ZNF282: variants seen among roughly 807,000 people sequenced by gnomAD.
The protein encoded by ZNF282 is zinc finger protein 282, also known as HTLV-I U5 repressive element-binding protein 1.
A neutral mutation model predicts 61.9 loss-of-function variants in ZNF282; 30 were observed. That is an observed-to-expected ratio of 0.48 (90% CI 0.36 to 0.66). The LOEUF (loss-of-function observed/expected upper bound fraction) is 0.66, where lower values mean the gene tolerates loss of function less well. Among genes scored for constraint, ZNF282 ranks in the 30% least tolerant of loss-of-function variants. The pLI is 0.00. For synonymous variants in ZNF282, 396 were observed against 405.0 expected (o/e 0.98, Z 0.27); for missense variants, 788 against 941.4 (o/e 0.84, Z 2.13).
At chr7:149,209,196 TAGTC>T (rs766540146) in intron 4 of ZNF282, among the ~76,000 whole-genome samples, 46 of 140,466 alleles carry the variant, frequency 3.3e-4, no homozygotes, top group Non-Finnish European at 4.8e-4. Flanking sequence ...CGGGCGCCTG[TAGTC>T]AGTCCCAGCT....
chr7:149,220,044 C>T lies in ZNF282; in HGVS notation c.1181-3768C>T, dbSNP rs535594969. Among the ~76,000 whole-genome samples the T allele has an allele frequency of 2.6e-4, 39 of 152,156 alleles. No individual in the cohort carries two copies. In the South Asian group the frequency reaches 7.9e-3, roughly 31 times the overall value. ...CCTAGGGAGGGGGTTCTTTTAAGGT[C>T]GGAGATAACTAGACCATTGTCTCGG... On this transcript the variant is annotated intron_variant, in intron 7 of 7. Transcript: ENST00000610704.
rs1271608533 is a variant in ZNF282 at position 149,210,573 on chromosome 7, C to T, written c.833-12C>T. 6.2e-7 allele frequency: 1 copy of T among 1,608,744 alleles called. No individual in the cohort carries two copies. The highest frequency in any genetic ancestry group is 2.2e-5 in the East Asian group (1 of 44,794). ...AAAAAAGACACAAAGCAATGTCATT[C>T]TCTGTCCCCAGGAGCAGAGCCCCTG... On this transcript the variant is annotated splice_polypyrimidine_tract_variant and intron_variant, in intron 4 of 7. Transcript: ENST00000610704.
chr7:149,215,686 TA>T (rs1416041385), intron 7 of ZNF282, among the ~76,000 whole-genome samples: 1 of 152,176 alleles, frequency 6.6e-6, no homozygotes, highest in Non-Finnish European at 1.5e-5. Context: ...TGTATGTCCT[TA>T]TTTCAAGTAG....
At chr7:149,201,269 C>T (rs1272213231) in intron 2 of ZNF282, among the ~76,000 whole-genome samples, 2 of 152,208 alleles carry the variant, frequency 1.3e-5, no homozygotes, top group African/African-American at 4.8e-5. Context: ...CCTGGCCACT[C>T]CTCACCACCT....
At chr7:149,211,087 T>C (rs79469844) in intron 5 of ZNF282, among the ~76,000 whole-genome samples, 174 of 152,336 alleles carry the variant, frequency 1.1e-3, no homozygotes, top group African/African-American at 3.9e-3. Flanking sequence ...AGGCCTTTCA[T>C]TGTTTTAAAC....
Position 149,210,689 on chromosome 7 carries a change from A to G in ZNF282, c.937A>G (p.Thr313Ala). The change falls in exon 5 of 8, where the codon ACG becomes GCG. Residue 313 changes from threonine (T) to alanine (A), a missense_variant. Around this residue, in one of 3 missense-constraint regions of ZNF282, gnomAD observed 559 missense variants for 642.0 expected, o/e 0.87. Coordinates refer to ENST00000610704, the MANE Select transcript of ZNF282 (RefSeq NM_003575.4). ...GGGCCTGGAGGAAAGAGCCATCCCT[A>G]CGGAATCCATTACCGGTGAGTGAGC... Reference protein sequence around the residue: ...QRGLEERAIPTESITDSPISA... With the variant: ...QRGLEERAIPAESITDSPISA... The G allele has an allele frequency of 6.2e-7, 1 of 1,602,340 alleles. No homozygotes were observed. Among genetic ancestry groups the G allele is most frequent in the Non-Finnish European group, 8.5e-7 (1 of 1,175,308 alleles).
rs1468727020 is a variant in ZNF282 at position 149,224,865 on chromosome 7, CA to C, written c.*219del. 1.1e-6 allele frequency: 1 copy of C among 869,852 alleles called. No homozygotes were observed. The highest frequency in any genetic ancestry group is 3.1e-5 in the Admixed American group (1 of 32,232). The allele number at this position is 869,852 out of a possible 1,614,324, so 53.9% of individuals were successfully genotyped here. A position where few individuals can be genotyped will look rare whatever the true frequency, so the allele number is the denominator to read the frequency against. On this transcript the variant is annotated 3_prime_UTR_variant, in exon 8 of 8. Coordinates refer to ENST00000610704, the MANE Select transcript of ZNF282 (RefSeq NM_003575.4). ...GTGGACCCAGCTGCTGGGGAAGAGCCAGGGGGACCGCGAGGAGCCGAGCGTC... is the reference window on the plus strand; with the variant it reads ...GTGGACCCAGCTGCTGGGGAAGAGCCGGGGGACCGCGAGGAGCCGAGCGTC...
intron 7 of ZNF282, among the ~76,000 whole-genome samples, chr7:149,220,509 T>C (rs1348497043): frequency 6.6e-6 from 1 of 152,202 alleles, no homozygotes; most frequent in African/African-American, 2.4e-5. Flanking sequence ...AGACTCAGCA[T>C]GTTTTCAAGG....
At chr7:149,211,755 G>A (rs1796089056) in intron 5 of ZNF282, among the ~76,000 whole-genome samples, 1 of 152,118 alleles carries the variant, frequency 6.6e-6, no homozygotes, top group Non-Finnish European at 1.5e-5. Flanking sequence ...GTAGAGGAAA[G>A]CCCGTTCACT....
At chr7:149,204,676 G>A (rs1219439476) in intron 2 of ZNF282, among the ~76,000 whole-genome samples, 2 of 152,158 alleles carry the variant, frequency 1.3e-5, no homozygotes, top group Non-Finnish European at 2.9e-5. Flanking sequence ...TTAAAGGTCT[G>A]GGAGAATGAA....
intron 7 of ZNF282, among the ~76,000 whole-genome samples, 197 bp downstream of exon 7, chr7:149,214,011 A>G (rs1265160476): frequency 6.6e-6 from 1 of 152,210 alleles, no homozygotes; most frequent in Non-Finnish European, 1.5e-5. Flanking sequence ...CAGGACTGTC[A>G]TAACAGGGTA....
In ZNF282 at chr7:149,195,546, CT is replaced by C. The variant is rs774111909; in HGVS notation, c.-42del. ...AGGGGGAAGGCGCCTGGAAAACGTT[CT>C]TCTTCTCCCTGGCCGACCCGAGCGG... On this transcript the variant is annotated 5_prime_UTR_variant, in exon 1 of 8. Transcript: ENST00000610704. The C allele has an allele frequency of 3.4e-5, 54 of 1,598,022 alleles. 1 individual carries two copies. The Admixed American group carries it at 5.4e-4, about 16-fold the overall frequency.
At chr7:149,213,651 C>A in intron 6 of ZNF282, 50 bp from the exon 7 acceptor site, 1 of 1,416,698 alleles carries the variant, frequency 7.1e-7, no homozygotes, top group Non-Finnish European at 9.9e-7. Flanking sequence ...TGATGGGAGG[C>A]CGAGTAGAAC....
chr7:149,212,367 T>TA lies in ZNF282; in HGVS notation c.962_963insA (p.Ser322PhefsTer10). ...TTGTTCCCGCAAGTAGACTCCCCAA[T>TA]TTCTGCCCAGGACCTCTTGTCCCGG... On this transcript the variant is annotated frameshift_variant, in exon 6 of 8. Transcript: ENST00000610704. LOFTEE classifies it high-confidence loss of function. 6.2e-7 allele frequency: 1 copy of TA among 1,609,918 alleles called. No individual in the cohort carries two copies. Among genetic ancestry groups the TA allele is most frequent in the Non-Finnish European group, 8.5e-7 (1 of 1,178,578 alleles).
intron 7 of ZNF282, among the ~76,000 whole-genome samples, chr7:149,222,801 C>T (rs982019013): frequency 4.2e-4 from 63 of 151,642 alleles, no homozygotes; most frequent in Non-Finnish European, 7.9e-4. Flanking sequence ...GTGCGTGCCA[C>T]CATGCCCAGC....
chr7:149,197,962 G>A (rs545055426), intron 1 of ZNF282, among the ~76,000 whole-genome samples: 1 of 152,362 alleles, frequency 6.6e-6, no homozygotes, highest in African/African-American at 2.4e-5. Context: ...CAAAGTTCTT[G>A]GAAACATAAA....
chr7:149,217,800 G>C (rs113804819), intron 7 of ZNF282, among the ~76,000 whole-genome samples: 2 of 152,138 alleles, frequency 1.3e-5, no homozygotes, highest in African/African-American at 4.8e-5. Context: ...GGAGCCGGCC[G>C]TGGGGTTGCA....
Position 149,195,622 on chromosome 7 carries a change from G to T in ZNF282, c.33G>T (p.Gln11His). 1 of 1,611,116 alleles carries T rather than the reference G, an allele frequency of 6.2e-7. No individual in the cohort carries two copies. The highest frequency in any genetic ancestry group is 1.1e-5 in the South Asian group (1 of 90,746). ...TTGTGTCAACACGGCCGCAGCCTCAGCAGCTGGGCATCCAGGGCCTGGGGC... is the reference window on the plus strand; with the variant it reads ...TTGTGTCAACACGGCCGCAGCCTCATCAGCTGGGCATCCAGGGCCTGGGGC... MQFVSTRPQP[Q>H]QLGIQGLGLD... Residue 11 changes from glutamine to histidine, a missense_variant, in exon 1 of 8, where the codon CAG (glutamine) becomes CAT (histidine). By Grantham distance (24) the Gln-to-His change is conservative. This residue lies in a region of ZNF282 where 137 missense variants were observed against 135.4 expected (regional missense o/e 1.01). Transcript: ENST00000610704.
chr7:149,219,200 G>A (rs1319638194), intron 7 of ZNF282, among the ~76,000 whole-genome samples: 3 of 152,020 alleles, frequency 2.0e-5, no homozygotes, highest in Non-Finnish European at 4.4e-5. Context: ...CATCTCCTTA[G>A]CTTAAACTCT....
Sources: gnomAD v4.1 joint callset for allele counts (sites outside exome capture counted in the v4.1 genomes callset) on GRCh38, gnomAD v4.1.1 for gene constraint, gnomAD v4.1.1 regional missense constraint, MANE v1.5 for transcripts, NCBI Gene and HGNC (gene_info 2026-07-23, HGNC 2026-07-21) for gene names.